The following PLPPR1 variants were observed in gnomAD, a reference collection of about 807,000 sequenced individuals.
PLPPR1 encodes phospholipid phosphatase related 1.
Under a neutral mutation model 33.1 loss-of-function variants are expected in PLPPR1, and 10 were observed. The ratio of observed to expected loss-of-function variants is 0.30; its 90% CI spans 0.19 to 0.51. The LOEUF (loss-of-function observed/expected upper bound fraction) is 0.51, where lower values mean the gene tolerates loss of function less well. Ranked by LOEUF, PLPPR1 falls within the 20% of genes least tolerant of loss-of-function variation. The probability of loss-of-function intolerance (pLI) is 0.97; values close to 1 mark genes in which losing one functional copy is unlikely to be tolerated. For missense variants in PLPPR1, 304 were observed against 408.1 expected (o/e 0.74, Z 2.20); for synonymous variants, 151 against 151.0 (o/e 1.00, Z 0.00).
intron 2 of PLPPR1, among the ~76,000 whole-genome samples, chr9:101,220,214 A>G (rs1198596507): frequency 6.6e-6 from 1 of 152,174 alleles, no homozygotes; most frequent in Admixed American, 6.5e-5. Context: ...GAGGGGCAAA[A>G]TTGCTTCAAT....
intron 1 of PLPPR1, among the ~76,000 whole-genome samples, chr9:101,120,167 C>G (rs1402240497): frequency 2.6e-5 from 4 of 152,208 alleles, no homozygotes; most frequent in Non-Finnish European, 5.9e-5. Flanking sequence ...AAATAATCAT[C>G]TGCCACATAT....
chr9:101,317,290 G>T (rs147070155), intron 6 of PLPPR1, 75 bp from the exon 7 acceptor site: 6 of 1,501,530 alleles, frequency 4.0e-6, no homozygotes, highest in African/African-American at 2.8e-5. Flanking sequence ...AAGGGGAAAG[G>T]CCTGCCACCC....
chr9:101,274,312 G>A (rs1341754976), intron 3 of PLPPR1, among the ~76,000 whole-genome samples: 1 of 152,150 alleles, frequency 6.6e-6, no homozygotes, highest in Non-Finnish European at 1.5e-5. Context: ...AAAGTGTGTG[G>A]TCCAATTTCT....
chr9:101,136,533 C>T (rs977094838), intron 1 of PLPPR1, among the ~76,000 whole-genome samples: 2 of 152,150 alleles, frequency 1.3e-5, no homozygotes, highest in Admixed American at 1.3e-4. Flanking sequence ...ATTTCTCTAC[C>T]TTTACTTGTT....
At chr9:101,146,760 A>G (rs1252049036) in intron 1 of PLPPR1, among the ~76,000 whole-genome samples, 1 of 152,226 alleles carries the variant, frequency 6.6e-6, no homozygotes, top group Non-Finnish European at 1.5e-5. Flanking sequence ...CAGTGATGAC[A>G]CAGGCCATCA....
intron 1 of PLPPR1, among the ~76,000 whole-genome samples, chr9:101,133,675 T>C (rs899871270): frequency 6.6e-6 from 1 of 152,118 alleles, no homozygotes; most frequent in Non-Finnish European, 1.5e-5. Flanking sequence ...TGTTGTTCAA[T>C]GTTTTCAGCT....
intron 2 of PLPPR1, among the ~76,000 whole-genome samples, chr9:101,252,814 GT>G (rs753449845): frequency 3.5e-4 from 52 of 149,200 alleles, no homozygotes; most frequent in East Asian, 2.8e-3. Context: ...TGTTTCCTAA[GT>G]TTTTTTTTTA....
intron 4 of PLPPR1, among the ~76,000 whole-genome samples, chr9:101,301,359 T>A (rs1336186231): frequency 6.6e-6 from 1 of 152,174 alleles, no homozygotes; most frequent in African/African-American, 2.4e-5. Flanking sequence ...TTACATCTAC[T>A]TCTCTCAGTT....
In PLPPR1 at chr9:101,312,955, C is replaced by T; in HGVS notation, c.794C>T (p.Thr265Ile). ...GTGATTGCTGGTTTCATCCTGGGCACTGCAGTGGCCCTGTTTCTGGTAGGT... is the reference window on the plus strand; with the variant it reads ...GTGATTGCTGGTTTCATCCTGGGCATTGCAGTGGCCCTGTTTCTGGTAGGT... ...SDVIAGFILG[T>I]AVALFLGMCV... The change falls in exon 6 of 8, where the codon ACT (threonine) becomes ATT (isoleucine). Residue 265 changes from threonine to isoleucine, a missense_variant. Transcript: ENST00000374874. 11 of 1,614,130 alleles carry T rather than the reference C, an allele frequency of 6.8e-6. No individual in the cohort carries two copies. The highest frequency in any genetic ancestry group is 9.3e-6 in the Non-Finnish European group (11 of 1,179,970).
intron 2 of PLPPR1, among the ~76,000 whole-genome samples, chr9:101,204,225 C>T (rs1425599771): frequency 2.0e-5 from 3 of 152,118 alleles, no homozygotes; most frequent in Non-Finnish European, 2.9e-5. Context: ...TAGCAACCAG[C>T]TCAAGCCCAT....
chr9:101,248,862 T>C (rs1405797744), intron 2 of PLPPR1, among the ~76,000 whole-genome samples: 1 of 152,072 alleles, frequency 6.6e-6, no homozygotes, highest in African/African-American at 2.4e-5. Flanking sequence ...GCATTCCTTC[T>C]AAATATAAAA....
At chr9:101,118,003 G>A (rs1410910089) in intron 1 of PLPPR1, among the ~76,000 whole-genome samples, 2 of 152,198 alleles carry the variant, frequency 1.3e-5, no homozygotes, top group Non-Finnish European at 2.9e-5. Flanking sequence ...TGTAAGTTTA[G>A]CAGTATTTTC....
At chr9:101,045,267 A>G (rs1477288409) in intron 1 of PLPPR1, among the ~76,000 whole-genome samples, 4 of 152,258 alleles carry the variant, frequency 2.6e-5, no homozygotes, top group Non-Finnish European at 5.9e-5. Flanking sequence ...TGAATAGTCT[A>G]GATAGAATCT....
chr9:101,313,119 T>C, intron 6 of PLPPR1, 145 bp downstream of exon 6: 2 of 741,134 alleles, frequency 2.7e-6, no homozygotes, highest in South Asian at 3.7e-5. Flanking sequence ...ATACATGCTT[T>C]TGCTACAAAA....
chr9:101,256,869 G>C (rs1827812597), intron 2 of PLPPR1, among the ~76,000 whole-genome samples: 1 of 151,968 alleles, frequency 6.6e-6, no homozygotes, highest in Non-Finnish European at 1.5e-5. Flanking sequence ...CAATACAAAA[G>C]GCTTTTATTA....
chr9:101,286,057 AT>A, intron 3 of PLPPR1, 46 bp from the exon 4 acceptor site: 1 of 1,566,664 alleles, frequency 6.4e-7, no homozygotes, highest in Non-Finnish European at 8.7e-7. Flanking sequence ...GGCCTCTCTT[AT>A]CAAACAGATC....
chr9:101,309,083 A>T (rs1396700587), intron 4 of PLPPR1, 128 bp from the exon 5 acceptor site: 10 of 906,338 alleles, frequency 1.1e-5, no homozygotes, highest in African/African-American at 1.7e-5. Context: ...TCCTGGAAAG[A>T]TACTCCGGGG....
At chr9:101,138,029 G>A (rs1048098092) in intron 1 of PLPPR1, among the ~76,000 whole-genome samples, 7 of 152,322 alleles carry the variant, frequency 4.6e-5, no homozygotes, top group African/African-American at 1.7e-4. Flanking sequence ...ATGAGGCTGT[G>A]TGTGTGAATT....
intron 1 of PLPPR1, among the ~76,000 whole-genome samples, chr9:101,153,747 TTG>T (rs1181652584): frequency 1.8e-5 from 2 of 110,342 alleles, no homozygotes; most frequent in African/African-American, 7.7e-5. Context: ...GCTATTTTTT[TTG>T]TATTTTTTTT....
Sources: allele counts gnomAD v4.1 joint callset (sites outside exome capture counted in the v4.1 genomes callset), GRCh38; gene constraint gnomAD v4.1.1; transcripts MANE v1.5; gene names NCBI Gene and HGNC (gene_info 2026-07-23, HGNC 2026-07-21).